The following MYO1D variants were observed in gnomAD, a reference collection of about 807,000 sequenced individuals.
The protein encoded by MYO1D is unconventional myosin-Id.
In MYO1D, 83 loss-of-function variants were observed where a neutral mutation model predicts 122.0. The ratio of observed to expected loss-of-function variants is 0.68; its 90% confidence interval spans 0.57 to 0.82. MYO1D has a LOEUF of 0.82. Ranked by LOEUF, MYO1D falls within the 40% of genes least tolerant of loss-of-function variation. The probability of loss-of-function intolerance (pLI) is 0.00; values close to 1 mark genes in which losing one functional copy is unlikely to be tolerated. For missense variants in MYO1D, 1,157 were observed against 1,269.5 expected, an observed-to-expected ratio of 0.91 and a Z score of 1.35; for synonymous variants, 464 against 446.9, an observed-to-expected ratio of 1.04 and a Z score of -0.48.
chr17:32,537,362 C>T lies in MYO1D; in HGVS notation c.2865-42447G>A, dbSNP rs1022634674. Among the ~76,000 whole-genome samples, 7 of 152,092 alleles carry T rather than the reference C, an allele frequency of 4.6e-5. No individual in the cohort carries two copies. In the East Asian group the frequency reaches 5.8e-4, roughly 13 times the overall value. ...CATGTCCATTCATTTCCATATTGTC[C>T]GTGGCTGCTTTTGTGACACAATGGA... On this transcript the variant is annotated intron_variant, in intron 21 of 21. Coordinates refer to ENST00000318217, the MANE Select transcript of MYO1D (RefSeq NM_015194.3).
chr17:32,581,394 T>C (rs999549834), intron 21 of MYO1D, among the ~76,000 whole-genome samples: 3 of 152,194 alleles, frequency 2.0e-5, no homozygotes, highest in Non-Finnish European at 4.4e-5. Context: ...GCTATTGTTT[T>C]TCTGATTTCC....
chr17:32,825,646 T>C (rs1465245333), intron 1 of MYO1D, among the ~76,000 whole-genome samples: 2 of 152,168 alleles, frequency 1.3e-5, no homozygotes, highest in African/African-American at 2.4e-5. Flanking sequence ...TTTAAAACTA[T>C]TGATAGTTTT....
At position 32,754,379 on chromosome 17, in the gene MYO1D, C is replaced by T. The variant is rs566798230; in HGVS notation, c.1467+1113G>A. 2.6e-5 allele frequency among the ~76,000 whole-genome samples: 4 copies of T among 152,238 alleles called. No individual in the cohort carries two copies. The East Asian group carries it at 7.7e-4, about 29-fold the overall frequency. On this transcript the variant is annotated intron_variant, in intron 11 of 21. Coordinates refer to ENST00000318217, the MANE Select transcript of MYO1D (RefSeq NM_015194.3). ...AATGACTGAAGCAGTACCTCTAACC[C>T]AAAACCCTAACATGAAAGAGCAGAC... is the stretch of plus-strand genomic sequence containing the variant.
chr17:32,653,105 G>A (rs2088419262), intron 19 of MYO1D, among the ~76,000 whole-genome samples: 10 of 151,040 alleles, frequency 6.6e-5, no homozygotes. Flanking sequence ...TTGCACCACT[G>A]CACTCCAGCC....
At chr17:32,780,051 CT>C (rs1166434318) in intron 2 of MYO1D, among the ~76,000 whole-genome samples, 2 of 152,044 alleles carry the variant, frequency 1.3e-5, no homozygotes, top group East Asian at 3.9e-4. Context: ...GGCTCCAGTC[CT>C]CAAACATGTG....
At chr17:32,772,475 G>T (rs1168063673) in intron 5 of MYO1D, among the ~76,000 whole-genome samples, 1 of 152,116 alleles carries the variant, frequency 6.6e-6, no homozygotes, top group African/African-American at 2.4e-5. Flanking sequence ...TTAACATTTA[G>T]AATGTACCAT....
intron 1 of MYO1D, among the ~76,000 whole-genome samples, chr17:32,820,826 T>C (rs2090654648): frequency 6.6e-6 from 1 of 152,236 alleles, no homozygotes; most frequent in African/African-American, 2.4e-5. Context: ...AAACATCACA[T>C]TGTATACTTT....
intron 20 of MYO1D, among the ~76,000 whole-genome samples, chr17:32,613,986 G>A (rs567900783): frequency 8.6e-5 from 13 of 150,510 alleles, no homozygotes; most frequent in African/African-American, 3.2e-4. Context: ...GTATACCATG[G>A]TATATAAAAC....
intron 1 of MYO1D, among the ~76,000 whole-genome samples, chr17:32,855,909 C>T (rs1236315910): frequency 1.3e-5 from 2 of 152,182 alleles, no homozygotes; most frequent in African/African-American, 4.8e-5. Context: ...GTAGGACTAG[C>T]TTTCATTGGC....
chr17:32,601,195 C>T (rs758318891), intron 21 of MYO1D, among the ~76,000 whole-genome samples: 1 of 152,128 alleles, frequency 6.6e-6, no homozygotes, highest in Non-Finnish European at 1.5e-5. Flanking sequence ...TTTAACTTCC[C>T]AAAGTGCTGG....
At chr17:32,653,800 C>A in intron 19 of MYO1D, 43 bp downstream of exon 19, 2 of 1,521,002 alleles carry the variant, frequency 1.3e-6, no homozygotes, top group South Asian at 2.3e-5. Context: ...TCATCTGAAT[C>A]AGTCTTTCCT....
intron 16 of MYO1D, among the ~76,000 whole-genome samples, chr17:32,707,586 TAGC>T (rs2089324639): frequency 6.6e-6 from 1 of 152,218 alleles, no homozygotes; most frequent in African/African-American, 2.4e-5. Context: ...AGAGTTTACA[TAGC>T]AGGCCTGAGA....
intron 1 of MYO1D, among the ~76,000 whole-genome samples, chr17:32,848,907 T>C (rs2090961069): frequency 6.6e-6 from 1 of 152,208 alleles, no homozygotes; most frequent in Admixed American, 6.5e-5. Flanking sequence ...TCATAGACAC[T>C]GCCAAGTTCC....
intron 21 of MYO1D, among the ~76,000 whole-genome samples, chr17:32,570,323 C>T (rs1490003488): frequency 3.3e-5 from 5 of 152,084 alleles, no homozygotes; most frequent in Non-Finnish European, 4.4e-5. Context: ...ATAGTTTCCT[C>T]CTATCAACCC....
intron 16 of MYO1D, 58 bp downstream of exon 16, chr17:32,711,930 C>G (rs1382071960): frequency 1.4e-5 from 20 of 1,379,334 alleles, no homozygotes; most frequent in Non-Finnish European, 1.9e-5. Context: ...AAATATGCAA[C>G]AAATTTTTAA....
intron 14 of MYO1D, among the ~76,000 whole-genome samples, chr17:32,729,950 A>G (rs1567614238): frequency 6.6e-6 from 1 of 152,218 alleles, no homozygotes; most frequent in African/African-American, 2.4e-5. Context: ...TAAATAGCAT[A>G]TATCTGGATT....
At chr17:32,787,901 T>G (rs948264494) in intron 1 of MYO1D, among the ~76,000 whole-genome samples, 1 of 152,244 alleles carries the variant, frequency 6.6e-6, no homozygotes, top group Non-Finnish European at 1.5e-5. Context: ...CCAGCTCCAT[T>G]CAAGTTGTTA....
At chr17:32,561,595 C>T (rs2087126075) in intron 21 of MYO1D, among the ~76,000 whole-genome samples, 1 of 149,280 alleles carries the variant, frequency 6.7e-6, no homozygotes, top group African/African-American at 2.5e-5. Context: ...GAGGCTGAGG[C>T]AGGAGAATCG....
intron 12 of MYO1D, 64 bp from the exon 13 acceptor site, chr17:32,745,349 T>C (rs1318384824): frequency 3.9e-6 from 4 of 1,023,766 alleles, no homozygotes; most frequent in Non-Finnish European, 5.9e-6. Flanking sequence ...TTTAAGTTTT[T>C]CCAGGAGGCA....
Sources: gnomAD v4.1 joint callset for allele counts (sites outside exome capture counted in the v4.1 genomes callset) on GRCh38, gnomAD v4.1.1 for gene constraint, MANE v1.5 for transcripts, NCBI Gene and HGNC (gene_info 2026-07-23, HGNC 2026-07-21) for gene names.